Variants in DYNC2I1 observed in about 807,000 individuals in gnomAD.
DYNC2I1 encodes dynein 2 intermediate chain 1.
Under a neutral mutation model 133.4 loss-of-function variants are expected in DYNC2I1, and 89 were observed. The observed-to-expected ratio is 0.67, with a 90% CI of 0.56 to 0.80. The LOEUF is 0.80. Among genes scored for constraint, DYNC2I1 ranks in the 30% least tolerant of loss-of-function variants. DYNC2I1 has a pLI of 0.00. For synonymous variants in DYNC2I1, 504 were observed against 484.3 expected (o/e 1.04, Z -0.54); for missense variants, 1,291 against 1,314.5 (o/e 0.98, Z 0.28).
At chr7:158,845,201 C>A in the DYNC2I1 span, among the ~76,000 whole-genome samples, 1 of 152,004 alleles carries the variant, frequency 6.6e-6, no homozygotes, top group Non-Finnish European at 1.5e-5. Context: ...TATCTCATGG[C>A]TAGAGTTCTG....
chr7:158,954,697 T>C (rs1039168952), intron 4 of DYNC2I1, among the ~76,000 whole-genome samples: 1 of 152,254 alleles, frequency 6.6e-6, no homozygotes, highest in Non-Finnish European at 1.5e-5. Context: ...ATTTATATAT[T>C]GAAGACAACT....
chr7:158,857,061 C>T (rs1841331008), intron 1 of DYNC2I1, among the ~76,000 whole-genome samples: 1 of 152,082 alleles, frequency 6.6e-6, no homozygotes, highest in East Asian at 1.9e-4. Context: ...GCCCCTGCTG[C>T]GGGGCCGGGG....
intron 2 of DYNC2I1, among the ~76,000 whole-genome samples, chr7:158,870,730 G>A (rs1842804566): frequency 6.6e-6 from 1 of 152,048 alleles, no homozygotes; most frequent in Admixed American, 6.5e-5. Context: ...ACAGGTGCAG[G>A]TTTCTTACAT....
intron 1 of DYNC2I1, 90 bp from the exon 2 acceptor site, chr7:158,869,765 T>G: frequency 2.1e-6 from 2 of 950,446 alleles, no homozygotes; most frequent in Non-Finnish European, 3.2e-6. Flanking sequence ...TTAACTGCCA[T>G]TGATTTAAAT....
At chr7:158,924,211 C>T (rs1344576648) in intron 17 of DYNC2I1, among the ~76,000 whole-genome samples, 7 of 152,330 alleles carry the variant, frequency 4.6e-5, no homozygotes, top group East Asian at 1.9e-4. Context: ...TTCTGGGACT[C>T]GCCCTAGTGT....
At chr7:158,864,097 A>G (rs10240300) in intron 1 of DYNC2I1, among the ~76,000 whole-genome samples, 2 of 64,776 alleles carry the variant, frequency 3.1e-5, no homozygotes, top group Admixed American at 3.0e-4. Context: ...GTGGGGGGAG[A>G]GGGACGTCCT....
At chr7:158,957,271 A>G (rs1050208102), downstream of DYNC2I1, among the ~76,000 whole-genome samples, 2 of 151,986 alleles carry the variant, frequency 1.3e-5, no homozygotes, top group African/African-American at 2.4e-5. Context: ...CCGGATTCCA[A>G]CCTCTGCGGC....
downstream of DYNC2I1, among the ~76,000 whole-genome samples, chr7:158,950,420 T>C (rs1320903953): frequency 6.6e-6 from 1 of 151,396 alleles, no homozygotes; most frequent in African/African-American, 2.4e-5. Context: ...AGGTGTTCTA[T>C]ATGATTCCAG....
chr7:158,870,054 C>T (rs753250578), intron 2 of DYNC2I1, 146 bp downstream of exon 2: 20 of 668,018 alleles, frequency 3.0e-5, no homozygotes, highest in East Asian at 5.5e-5. Flanking sequence ...TGAAGGTGTA[C>T]GGCTAACAAT....
Position 158,884,568 on chromosome 7 carries a change from G to T in DYNC2I1, c.884G>T (p.Gly295Val), listed in dbSNP as rs368651864. 1 of 1,611,064 alleles carries T rather than the reference G, an allele frequency of 6.2e-7. No individual in the cohort carries two copies. The highest frequency in any genetic ancestry group is 1.7e-5 in the Admixed American group (1 of 59,522). The change falls in exon 6 of 25, where the codon GGT (glycine) becomes GTT (valine). Residue 295 changes from glycine to valine, a missense_variant. Physicochemically the swap from Gly to Val is moderately radical, Grantham distance 109. Coordinates refer to ENST00000407559, the MANE Select transcript of DYNC2I1 (RefSeq NM_018051.5). ...DEPRKRESQNGEHRNRGASSK... is the reference protein window; with the variant it reads ...DEPRKRESQNVEHRNRGASSK... ...GATTATATTTTTGTTTGATAGAATG[G>T]TGAACACAGAAATCGAGGTGCAAGC...
At chr7:158,853,774 C>T (rs573094047), upstream of DYNC2I1, among the ~76,000 whole-genome samples, 232 of 151,882 alleles carry the variant, frequency 1.5e-3, no homozygotes, top group African/African-American at 5.4e-3. Flanking sequence ...CCTGCCTCAG[C>T]CCCCAAGTAG....
the DYNC2I1 span, among the ~76,000 whole-genome samples, chr7:158,848,889 C>T: frequency 6.6e-6 from 1 of 150,786 alleles, no homozygotes; most frequent in African/African-American, 2.4e-5. Flanking sequence ...CGCCACTGCA[C>T]TCCAGCCTGG....
chr7:158,881,609 A>G (rs1428703875), intron 5 of DYNC2I1, among the ~76,000 whole-genome samples: 10 of 151,420 alleles, frequency 6.6e-5, no homozygotes, highest in African/African-American at 2.4e-4. Flanking sequence ...ATGTGCCACC[A>G]CTCCCGGCTA....
chr7:158,888,468 C>CATATATATAT (rs112738029), intron 7 of DYNC2I1, among the ~76,000 whole-genome samples: 2 of 147,540 alleles, frequency 1.4e-5, no homozygotes, highest in African/African-American at 5.0e-5. Context: ...GCCATACATA[C>CATATATATAT]ATATATATAT....
intron 1 of DYNC2I1, among the ~76,000 whole-genome samples, chr7:158,868,045 C>T (rs1842558669): frequency 6.6e-6 from 1 of 152,110 alleles, no homozygotes; most frequent in Non-Finnish European, 1.5e-5. Flanking sequence ...GGTTGCGCCA[C>T]TGCACTCCAG....
chr7:158,929,335 C>T (rs976160616), intron 20 of DYNC2I1, among the ~76,000 whole-genome samples: 7 of 152,222 alleles, frequency 4.6e-5, no homozygotes, highest in African/African-American at 1.4e-4. Context: ...GACCCCAGCC[C>T]GGGAGAGGGC....
chr7:158,902,348 G>A (rs757475722), intron 9 of DYNC2I1, 28 bp from the exon 10 acceptor site: 8 of 1,591,272 alleles, frequency 5.0e-6, no homozygotes, highest in Admixed American at 1.7e-5. Context: ...TGTCTTAAAG[G>A]GTTCCAAAAG....
chr7:158,930,355 C>A, intron 20 of DYNC2I1, 100 bp from the exon 21 acceptor site: 3 of 1,023,160 alleles, frequency 2.9e-6, no homozygotes, highest in Non-Finnish European at 4.5e-6. Context: ...TTTCCTAACA[C>A]AGATATTTAA....
At chr7:158,892,505 G>A (rs1476710775) in intron 8 of DYNC2I1, among the ~76,000 whole-genome samples, 1 of 152,064 alleles carries the variant, frequency 6.6e-6, no homozygotes, top group Non-Finnish European at 1.5e-5. Context: ...GCAGTGGCAC[G>A]ATCATAGCTC....
Sources: gnomAD v4.1 joint callset for allele counts (sites outside exome capture counted in the v4.1 genomes callset) on GRCh38, gnomAD v4.1.1 for gene constraint, MANE v1.5 for transcripts, NCBI Gene and HGNC (gene_info 2026-07-23, HGNC 2026-07-21) for gene names.